Variants in MAEL observed in about 807,000 individuals in gnomAD.
The protein encoded by MAEL is protein maelstrom homolog.
Under a neutral mutation model 62.0 loss-of-function variants are expected in MAEL, and 46 were observed. The observed-to-expected ratio is 0.74, with a 90% CI of 0.59 to 0.95. The LOEUF (loss-of-function observed/expected upper bound fraction) is 0.95. Ranked by LOEUF, MAEL falls within the 40% of genes least tolerant of loss-of-function variation. The probability of loss-of-function intolerance (pLI) is 0.00; values close to 1 mark genes in which losing one functional copy is unlikely to be tolerated. For missense variants in MAEL, 497 were observed against 526.8 expected (o/e 0.94, Z 0.55); for synonymous variants, 172 against 175.5 (o/e 0.98, Z 0.16).
intron 2 of MAEL, 181 bp downstream of exon 2, chr1:166,990,010 A>T (rs1206328604): frequency 1.7e-6 from 1 of 595,608 alleles, no homozygotes; most frequent in African/African-American, 1.9e-5. Flanking sequence ...AACAGCCTCC[A>T]CAACTAGGGC....
In MAEL at chr1:167,005,326, C is replaced by A. The variant is rs1159682341; in HGVS notation, c.774C>A (p.Leu258=). Residue 258 remains leucine, a synonymous_variant, in exon 8 of 12, where the codon CTC becomes CTA. Transcript: ENST00000367872. ...LVVGIYQQKF[L]KEPSKTWIRS... Reference sequence around the variant, plus strand: ...TGGGGATCTACCAACAAAAATTTCTCAAGGAGCCCTCTAAGACTTGGATTC... The same window carrying A: ...TGGGGATCTACCAACAAAAATTTCTAAAGGAGCCCTCTAAGACTTGGATTC... 1 of 1,613,696 alleles carries A rather than the reference C, an allele frequency of 6.2e-7. No individual in the cohort carries two copies. Among genetic ancestry groups the A allele is most frequent in the East Asian group, 2.2e-5 (1 of 44,856 alleles).
intron 8 of MAEL, among the ~76,000 whole-genome samples, chr1:167,010,008 A>G (rs1337541111): frequency 6.6e-6 from 1 of 152,084 alleles, no homozygotes; most frequent in Non-Finnish European, 1.5e-5. Flanking sequence ...CTTTGGCTCT[A>G]TGTCCCCACC....
chr1:166,988,431 A>G (rs1664000087), upstream of MAEL, among the ~76,000 whole-genome samples: 1 of 152,086 alleles, frequency 6.6e-6, no homozygotes, highest in South Asian at 2.1e-4. Context: ...GCAAATTTTC[A>G]ACTGCCATTC....
At chr1:166,999,120 T>C (rs1405830559) in intron 5 of MAEL, among the ~76,000 whole-genome samples, 1 of 152,178 alleles carries the variant, frequency 6.6e-6, no homozygotes, top group African/African-American at 2.4e-5. Flanking sequence ...GGCCTCTCAG[T>C]GTTCAAGTGA....
At chr1:166,991,302 T>A (rs1356714177) in intron 2 of MAEL, 76 bp from the exon 3 acceptor site, 1 of 883,256 alleles carries the variant, frequency 1.1e-6, no homozygotes, top group African/African-American at 1.6e-5. Context: ...TTTGCAGTTA[T>A]TTAGCTAAAT....
chr1:166,985,562 A>G (rs1173110734), upstream of MAEL, among the ~76,000 whole-genome samples: 2 of 152,230 alleles, frequency 1.3e-5, no homozygotes, highest in South Asian at 2.1e-4. Flanking sequence ...GAAAGATGTT[A>G]TATCAGTAGA....
At chr1:166,991,506 G>C (rs12070121) in intron 3 of MAEL, 29 bp downstream of exon 3, 16 of 1,427,860 alleles carry the variant, frequency 1.1e-5, no homozygotes, top group Non-Finnish European at 1.6e-5. Context: ...ATTTTGCTGA[G>C]ATAAATTTGA....
At chr1:167,004,881 A>G (rs542700326) in intron 6 of MAEL, among the ~76,000 whole-genome samples, 195 bp from the exon 7 acceptor site, 2 of 152,260 alleles carry the variant, frequency 1.3e-5, no homozygotes, top group African/African-American at 4.8e-5. Flanking sequence ...ACTGACTAAT[A>G]ATAGCTGTAG....
At chr1:166,986,446 G>A (rs963906176), upstream of MAEL, among the ~76,000 whole-genome samples, 1 of 152,224 alleles carries the variant, frequency 6.6e-6, no homozygotes, top group Non-Finnish European at 1.5e-5. Flanking sequence ...GAGAGAGTCT[G>A]AGTGGGAAGA....
intron 4 of MAEL, 41 bp downstream of exon 4, chr1:166,992,882 G>GTT (rs373586813): frequency 1.7e-4 from 202 of 1,220,302 alleles, no homozygotes; most frequent in South Asian, 3.1e-4. Context: ...AACGTGTATG[G>GTT]TTTTTTTTTT....
chr1:166,996,680 G>A (rs1032008508), intron 5 of MAEL, among the ~76,000 whole-genome samples: 15 of 152,112 alleles, frequency 9.9e-5, no homozygotes, highest in East Asian at 5.8e-4. Flanking sequence ...TGAATTTTGC[G>A]TTTGAATTTT....
intron 5 of MAEL, among the ~76,000 whole-genome samples, chr1:166,997,227 T>A (rs1664468357): frequency 6.6e-6 from 1 of 152,196 alleles, no homozygotes; most frequent in South Asian, 2.1e-4. Context: ...CACAAAAAAA[T>A]CTTGTAATGT....
chr1:166,994,111 A>G (rs761128954), intron 5 of MAEL, 42 bp downstream of exon 5: 43 of 1,532,236 alleles, frequency 2.8e-5, no homozygotes, highest in Non-Finnish European at 3.8e-5. Context: ...ACTTGAATCT[A>G]TTCATACCTG....
At position 167,017,891 on chromosome 1, in the gene MAEL, C is replaced by G. The variant is rs1420340270; in HGVS notation, c.973C>G (p.Leu325Val). Residue 325 changes from leucine (L) to valine (V), a missense_variant, in exon 10 of 12, where the codon CTA (leucine) becomes GTA (valine). Physicochemically the swap from Leu to Val is conservative, Grantham distance 32 (BLOSUM62 1). Transcript: ENST00000367872. ...CCAGCTCACAGAGGCTCATGTACCA[C>G]TACAAGATTATGAGGCCAGCAATAG... ...GIQLTEAHVP[L>V]QDYEASNSVT... 6.2e-7 allele frequency: 1 copy of G among 1,613,220 alleles called. No individual in the cohort carries two copies. Among genetic ancestry groups the G allele is most frequent in the Non-Finnish European group, 8.5e-7 (1 of 1,179,530 alleles).
At chr1:167,004,760 A>ATC (rs1275717307) in intron 6 of MAEL, among the ~76,000 whole-genome samples, 2 of 152,202 alleles carry the variant, frequency 1.3e-5, no homozygotes, top group African/African-American at 2.4e-5. Flanking sequence ...GCTACTTAGT[A>ATC]TAACCGTGAA....
rs868682409 is a variant in MAEL, at chr1:167,010,375, T to A, written c.845+4978T>A. ...TGTTAGGTTTTTCCCCTCCTTCATG[T>A]TTTTTTGGGGGGTGGGGGTATGAGA... On this transcript the variant is annotated intron_variant, in intron 8 of 11. Coordinates refer to ENST00000367872, the MANE Select transcript of MAEL (RefSeq NM_032858.3). Among the ~76,000 whole-genome samples the A allele has an allele frequency of 3.6e-3, 552 of 152,184 alleles. 5 individuals are homozygous for A. Among genetic ancestry groups the A allele is most frequent in the African/African-American group, 0.012 (499 of 41,530 alleles).
chr1:167,005,551 A>T (rs1664857525), intron 8 of MAEL, 154 bp downstream of exon 8: 2 of 639,052 alleles, frequency 3.1e-6, no homozygotes, highest in African/African-American at 3.7e-5. Context: ...TGATAGTAAG[A>T]TATATTGTTA....
Position 167,021,072 on chromosome 1 carries a change from C to T in MAEL, c.1042-13C>T. On this transcript the variant is annotated splice_polypyrimidine_tract_variant and intron_variant, in intron 10 of 11. Transcript: ENST00000367872. ...AAACATTTTTCCCCCTGGTATTTTC[C>T]TGTTACTTACAGAAGCTAAGGGTTG... 1 of 1,591,118 alleles carries T rather than the reference C, an allele frequency of 6.3e-7. No individual in the cohort carries two copies. Among genetic ancestry groups the T allele is most frequent in the Non-Finnish European group, 8.6e-7 (1 of 1,160,096 alleles).
Position 166,989,410 on chromosome 1 carries a change from C to G in MAEL, c.58C>G (p.Pro20Ala), listed in dbSNP as rs755136215. Residue 20 changes from proline to alanine, a missense_variant, in exon 1 of 12, where the codon CCC (proline) becomes GCC (alanine). By Grantham distance (27) the Pro-to-Ala change is conservative. Coordinates refer to ENST00000367872, the MANE Select transcript of MAEL (RefSeq NM_032858.3). The part of the protein sequence containing the change: ...AYYFFVQEKI[P>A]ELRRRGLPVA... Reference sequence around the variant, plus strand: ...CTATTTCTTCGTGCAGGAGAAGATCCCCGAACTACGGCGACGAGGCCTGCC... The same window carrying G: ...CTATTTCTTCGTGCAGGAGAAGATCGCCGAACTACGGCGACGAGGCCTGCC... 7 of 1,606,344 alleles carry G rather than the reference C, an allele frequency of 4.4e-6. No individual in the cohort carries two copies. The East Asian group carries it at 9.0e-5, about 21-fold the overall frequency.
Sources: gnomAD v4.1 joint callset for allele counts (sites outside exome capture counted in the v4.1 genomes callset) on GRCh38, gnomAD v4.1.1 for gene constraint, MANE v1.5 for transcripts, NCBI Gene and HGNC (gene_info 2026-07-23, HGNC 2026-07-21) for gene names.